FAM133B: variants seen among roughly 807,000 people sequenced by gnomAD.
FAM133B encodes family with sequence similarity 133 member B, also known as protein FAM133B.
In FAM133B, 25 loss-of-function variants were observed where a neutral mutation model predicts 46.4. The observed-to-expected ratio is 0.54, with a 90% CI of 0.39 to 0.75. The LOEUF (loss-of-function observed/expected upper bound fraction) is 0.75, where lower values mean the gene tolerates loss of function less well. Ranked by LOEUF, FAM133B falls within the 30% of genes least tolerant of loss-of-function variation. The pLI, the probability that FAM133B is intolerant of heterozygous loss-of-function variation, is 0.00. For synonymous variants in FAM133B, 75 were observed against 86.0 expected (o/e 0.87, Z 0.71); for missense variants, 205 against 277.6 (o/e 0.74, Z 1.86).
intron 1 of FAM133B, among the ~76,000 whole-genome samples, chr7:92,588,762 T>C (rs1795105834): frequency 6.6e-6 from 1 of 152,206 alleles, no homozygotes; most frequent in Non-Finnish European, 1.5e-5. Context: ...CAGCACTGCA[T>C]AGAGATGATT....
At chr7:92,567,041 A>G (rs1794371987) in intron 9 of FAM133B, among the ~76,000 whole-genome samples, 1 of 151,952 alleles carries the variant, frequency 6.6e-6, no homozygotes, top group Non-Finnish European at 1.5e-5. Flanking sequence ...TTAAGACTTC[A>G]CCTCTACAAA....
At chr7:92,578,073 A>C (rs1794754518) in intron 5 of FAM133B, 77 bp downstream of exon 5, 1 of 1,284,812 alleles carries the variant, frequency 7.8e-7, no homozygotes, top group Non-Finnish European at 1.1e-6. Flanking sequence ...TTTAGCATAC[A>C]GGTTAAACAA....
intron 2 of FAM133B, among the ~76,000 whole-genome samples, 194 bp downstream of exon 2, chr7:92,581,312 G>A (rs1454081763): frequency 1.3e-5 from 2 of 152,244 alleles, no homozygotes; most frequent in Non-Finnish European, 2.9e-5. Flanking sequence ...ATACTGGGTA[G>A]TGGGTTCTTA....
intron 8 of FAM133B, among the ~76,000 whole-genome samples, chr7:92,570,272 G>T (rs1585300872): frequency 6.6e-6 from 1 of 152,084 alleles, no homozygotes; most frequent in African/African-American, 2.4e-5. Flanking sequence ...GCCTAGTACT[G>T]CAGAAAAGAA....
At chr7:92,578,066 A>G (rs746929888) in intron 5 of FAM133B, 84 bp downstream of exon 5, 47 of 1,195,040 alleles carry the variant, frequency 3.9e-5, no homozygotes, top group Middle Eastern at 2.3e-4. Context: ...AGCTACCTTT[A>G]GCATACAGGT....
At chr7:92,589,289 A>T (rs904385360) in intron 1 of FAM133B, among the ~76,000 whole-genome samples, 1 of 152,112 alleles carries the variant, frequency 6.6e-6, no homozygotes, top group Non-Finnish European at 1.5e-5. Flanking sequence ...TGAGTTTTTC[A>T]GCCCCCTCCC....
intron 1 of FAM133B, among the ~76,000 whole-genome samples, chr7:92,584,899 T>C (rs1794996729): frequency 6.6e-6 from 1 of 152,140 alleles, no homozygotes; most frequent in Admixed American, 6.5e-5. Flanking sequence ...CCAGGTGCAC[T>C]GGCTCACACC....
chr7:92,566,019 C>T lies in FAM133B; in HGVS notation c.652G>A (p.Ala218Thr), dbSNP rs1585296247. ...AAACGTTAAGAGATACTTGCTGTTGCTTTTTCTCGTTCTTCACTGCTTTTC... is the reference window on the plus strand; with the variant it reads ...AAACGTTAAGAGATACTTGCTGTTGTTTTTTCTCGTTCTTCACTGCTTTTC... ...KKKSSEEREK[A>T]TEKTKKKKKH... The change falls in exon 10 of 11, where the codon GCA (alanine) becomes ACA (threonine). Residue 218 changes from alanine to threonine, a missense_variant. Coordinates refer to ENST00000445716, the MANE Select transcript of FAM133B (RefSeq NM_152789.4). 1 of 1,613,672 alleles carries T rather than the reference C, an allele frequency of 6.2e-7. No homozygotes were observed. The highest frequency in any genetic ancestry group is 1.3e-5 in the African/African-American group (1 of 74,906).
intron 10 of FAM133B, 136 bp downstream of exon 10, chr7:92,565,878 C>G: frequency 1.2e-6 from 1 of 854,540 alleles, no homozygotes; most frequent in South Asian, 1.6e-5. Flanking sequence ...TTAAGTGAAG[C>G]TGCTGAACAC....
chr7:92,585,349 T>C, intron 1 of FAM133B: 1 of 984,428 alleles, frequency 1.0e-6, no homozygotes, highest in Non-Finnish European at 1.2e-6. Flanking sequence ...TCAACAATAT[T>C]GATCACATTC....
intron 9 of FAM133B, among the ~76,000 whole-genome samples, chr7:92,568,096 A>AT (rs775422821): frequency 6.6e-6 from 1 of 151,820 alleles, no homozygotes; most frequent in Admixed American, 6.6e-5. Context: ...AAATTTTTTT[A>AT]TTTTTTTAAA....
intron 1 of FAM133B, among the ~76,000 whole-genome samples, chr7:92,587,913 C>G (rs1795083323): frequency 6.6e-6 from 1 of 151,728 alleles, no homozygotes; most frequent in Non-Finnish European, 1.5e-5. Flanking sequence ...CGAGTGGGGT[C>G]AGGAGGTAAA....
chr7:92,578,434 T>G, intron 3 of FAM133B, 41 bp from the exon 4 acceptor site: 1 of 1,534,754 alleles, frequency 6.5e-7, no homozygotes, highest in Non-Finnish European at 9.0e-7. Flanking sequence ...CTATCTAACC[T>G]TTCCAATACA....
chr7:92,577,763 T>A, intron 5 of FAM133B, 46 bp from the exon 6 acceptor site: 5 of 1,484,818 alleles, frequency 3.4e-6, no homozygotes, highest in Non-Finnish European at 4.6e-6. Context: ...TGCGAGAATG[T>A]TTTTCTTTTA....
chr7:92,577,480 T>C (rs563730643), intron 6 of FAM133B, 175 bp downstream of exon 6: 5 of 480,074 alleles, frequency 1.0e-5, no homozygotes, highest in Non-Finnish European at 1.8e-5. Context: ...AAATATATTA[T>C]ATACCAATAT....
intron 8 of FAM133B, among the ~76,000 whole-genome samples, chr7:92,571,539 C>T (rs1794530667): frequency 6.6e-6 from 1 of 152,090 alleles, no homozygotes; most frequent in African/African-American, 2.4e-5. Flanking sequence ...CCTTCCCCAC[C>T]CCAGTACTGT....
intron 8 of FAM133B, among the ~76,000 whole-genome samples, chr7:92,573,152 T>G (rs1472296851): frequency 2.7e-5 from 4 of 149,820 alleles, no homozygotes; most frequent in African/African-American, 9.8e-5. Context: ...GAAAAAATGA[T>G]AGTTTGGGGA....
At chr7:92,577,249 C>T (rs1794729663) in intron 6 of FAM133B, 54 bp from the exon 7 acceptor site, 3 of 1,225,382 alleles carry the variant, frequency 2.4e-6, no homozygotes, top group African/African-American at 1.6e-5. Flanking sequence ...ATCTAATTTA[C>T]ACATTTATTA....
chr7:92,583,295 T>C (rs1794942655), intron 1 of FAM133B, among the ~76,000 whole-genome samples: 1 of 152,210 alleles, frequency 6.6e-6, no homozygotes, highest in South Asian at 2.1e-4. Flanking sequence ...GAATGGAGGT[T>C]AACCAGGGTC....
Sources: gnomAD v4.1 joint callset for allele counts (sites outside exome capture counted in the v4.1 genomes callset) on GRCh38, gnomAD v4.1.1 for gene constraint, MANE v1.5 for transcripts, NCBI Gene and HGNC (gene_info 2026-07-23, HGNC 2026-07-21) for gene names.